The following PDZD2 variants were observed in gnomAD, a reference collection of about 807,000 sequenced individuals.
PDZD2 encodes the protein PDZ domain containing 2.
In PDZD2, 90 loss-of-function variants were observed where a neutral mutation model predicts 220.7. The ratio of observed to expected loss-of-function variants is 0.41; its 90% confidence interval spans 0.34 to 0.49. The LOEUF (loss-of-function observed/expected upper bound fraction) is 0.49, where lower values mean the gene tolerates loss of function less well. Among genes scored for constraint, PDZD2 ranks in the 20% least tolerant of loss-of-function variants. PDZD2 has a pLI of 0.28. For synonymous variants in PDZD2, 1,375 were observed against 1,450.5 expected, an observed-to-expected ratio of 0.95 and a Z score of 1.18; for missense variants, 3,174 against 3,608.5, an observed-to-expected ratio of 0.88 and a Z score of 3.08.
intron 2 of PDZD2, among the ~76,000 whole-genome samples, chr5:31,804,615 C>T (rs545328556): frequency 6.6e-6 from 1 of 152,306 alleles, no homozygotes; most frequent in South Asian, 2.1e-4. Context: ...CCTTCTGGCT[C>T]CATTGTCTGT....
intron 2 of PDZD2, among the ~76,000 whole-genome samples, chr5:31,977,519 A>G (rs7706312): frequency 0.39 from 58,485 of 151,884 alleles, 12,319 homozygotes; most frequent in Non-Finnish European, 0.48. Context: ...TCACCCGCCA[A>G]CCTCTTCCCA....
intron 18 of PDZD2, among the ~76,000 whole-genome samples, chr5:32,075,449 T>C (rs1404038484): frequency 1.3e-5 from 2 of 152,216 alleles, no homozygotes; most frequent in African/African-American, 2.4e-5. Context: ...CCTTATATTT[T>C]TCCAAATTTC....
Position 31,923,580 on chromosome 5 carries a change from T to G in PDZD2, c.477-59575T>G, listed in dbSNP as rs1744481877. The G allele has an allele frequency of 3.8e-6, 3 of 794,528 alleles. No homozygotes were observed. The African/African-American group carries it at 5.1e-5, about 14-fold the overall frequency. 49.2% of individuals were successfully genotyped at this position (794,528 alleles called of 1,614,324 possible). ...ATTTGGAGGCAATCAGTGGACAGCA[T>G]GAAAGATGTGTGCTCTGGCTCGGAT... On this transcript the variant is annotated intron_variant, in intron 2 of 24. Transcript: ENST00000438447.
chr5:31,944,814 C>T (rs916960971), intron 2 of PDZD2, among the ~76,000 whole-genome samples: 3 of 152,194 alleles, frequency 2.0e-5, no homozygotes, highest in African/African-American at 7.2e-5. Context: ...TTGGAGGGGC[C>T]GCTTCCTGGC....
chr5:31,927,290 T>A (rs1438576630), intron 2 of PDZD2, among the ~76,000 whole-genome samples: 1 of 152,126 alleles, frequency 6.6e-6, no homozygotes, highest in Admixed American at 6.5e-5. Context: ...AGAAAAAAAG[T>A]GAGGGCAGGG....
At position 31,744,495 on chromosome 5, in the gene PDZD2, C is replaced by A. The variant is rs564587008; in HGVS notation, c.-360-54394C>A. On this transcript the variant is annotated intron_variant, in intron 1 of 24. Transcript: ENST00000438447. ...AAAAGAAAACGAGTTGTTTAAAGTG[C>A]CTTTTGATATTGATATCATTTGAAA... is the stretch of plus-strand genomic sequence containing the variant. The A allele has an allele frequency of 4.6e-5, 7 of 151,918 alleles. No individual in the cohort carries two copies. In the East Asian group the frequency reaches 7.7e-4, roughly 17 times the overall value. The allele number at this position is 151,918 out of a possible 1,614,324, so 9.4% of individuals were successfully genotyped here.
At chr5:31,940,951 G>GCC (rs147323064) in intron 2 of PDZD2, among the ~76,000 whole-genome samples, 3 of 151,482 alleles carry the variant, frequency 2.0e-5, no homozygotes, top group African/African-American at 4.9e-5. Flanking sequence ...CCATCCCCAT[G>GCC]CCCCCCCACC....
At chr5:32,004,441 A>G (rs1229241253) in intron 5 of PDZD2, among the ~76,000 whole-genome samples, 2 of 152,212 alleles carry the variant, frequency 1.3e-5, no homozygotes, top group East Asian at 3.8e-4. Context: ...AAAACAAAAA[A>G]TTAGCCATGC....
At chr5:31,911,604 G>T (rs1044807974) in intron 2 of PDZD2, among the ~76,000 whole-genome samples, 3 of 152,206 alleles carry the variant, frequency 2.0e-5, no homozygotes, top group Non-Finnish European at 4.4e-5. Context: ...AGAAATTCCT[G>T]TAGCTAGTTT....
chr5:31,918,078 G>A (rs1294696006), intron 2 of PDZD2, among the ~76,000 whole-genome samples: 1 of 152,172 alleles, frequency 6.6e-6, no homozygotes, highest in Non-Finnish European at 1.5e-5. Context: ...TAAATGGCCG[G>A]AACAGGAGCC....
At chr5:31,886,764 C>A (rs1169212744) in intron 2 of PDZD2, among the ~76,000 whole-genome samples, 1 of 151,316 alleles carries the variant, frequency 6.6e-6, no homozygotes, top group Non-Finnish European at 1.5e-5. Context: ...GTGGTGCGAT[C>A]TCGGCTCACT....
chr5:32,069,692 T>C, intron 15 of PDZD2, 42 bp downstream of exon 15: 1 of 1,002,588 alleles, frequency 1.0e-6, no homozygotes, highest in African/African-American at 1.6e-5. Flanking sequence ...CAGAAGAGTT[T>C]CTCATTAAGT....
At chr5:32,021,043 A>T (rs948453099) in intron 6 of PDZD2, among the ~76,000 whole-genome samples, 1 of 150,068 alleles carries the variant, frequency 6.7e-6, no homozygotes, top group African/African-American at 2.5e-5. Context: ...CTTCATGTGC[A>T]TTGAAGACTT....
chr5:31,877,783 G>A (rs1235394623), intron 2 of PDZD2, among the ~76,000 whole-genome samples: 4 of 152,026 alleles, frequency 2.6e-5, no homozygotes, highest in Admixed American at 6.6e-5. Flanking sequence ...TCTCCCTCCC[G>A]GGTTCAAGTG....
intron 9 of PDZD2, among the ~76,000 whole-genome samples, chr5:32,053,008 G>T (rs1186151068): frequency 6.6e-6 from 1 of 152,112 alleles, no homozygotes; most frequent in African/African-American, 2.4e-5. Context: ...CTTTTTATTT[G>T]TCTTTACATG....
chr5:32,009,127 G>A (rs1045669111), intron 5 of PDZD2, among the ~76,000 whole-genome samples: 26 of 151,908 alleles, frequency 1.7e-4, no homozygotes, highest in East Asian at 7.7e-4. Flanking sequence ...GGCAGATCAC[G>A]AGGTCAGGGG....
chr5:31,803,774 G>A (rs915766328), intron 2 of PDZD2, among the ~76,000 whole-genome samples: 13 of 151,990 alleles, frequency 8.6e-5, no homozygotes, highest in Non-Finnish European at 7.4e-5. Flanking sequence ...GGTAGCTGAC[G>A]CCTGTAATTT....
chr5:32,039,525 A>T (rs1292289740), intron 7 of PDZD2, among the ~76,000 whole-genome samples: 1 of 151,644 alleles, frequency 6.6e-6, no homozygotes, highest in Non-Finnish European at 1.5e-5. Context: ...CCCGCCCGCC[A>T]CCCCGTCTTA....
chr5:31,753,480 G>T (rs1751129948), intron 1 of PDZD2, among the ~76,000 whole-genome samples: 1 of 152,186 alleles, frequency 6.6e-6, no homozygotes, highest in South Asian at 2.1e-4. Flanking sequence ...CGCACCTGTA[G>T]TCTCAGCTAC....
Sources: gnomAD v4.1 joint callset for allele counts (sites outside exome capture counted in the v4.1 genomes callset) on GRCh38, gnomAD v4.1.1 for gene constraint, MANE v1.5 for transcripts, NCBI Gene and HGNC (gene_info 2026-07-23, HGNC 2026-07-21) for gene names.